The following PEPD variants were observed in gnomAD, a reference collection of about 807,000 sequenced individuals.
PEPD encodes peptidase D, also known as xaa-Pro dipeptidase.
Under a neutral mutation model 60.7 loss-of-function variants are expected in PEPD, and 53 were observed. The ratio of observed to expected loss-of-function variants is 0.87; its 90% CI spans 0.70 to 1.10. The LOEUF is 1.10. PEPD is among the 50% of genes least tolerant of loss of function. PEPD has a pLI of 0.00. For synonymous variants in PEPD, 267 were observed against 284.1 expected (o/e 0.94, Z 0.60); for missense variants, 711 against 711.9 (o/e 1.00, Z 0.01).
rs557361376 is a variant in PEPD, at chr19:33,510,031, C to T, written c.329+997G>A. Among the ~76,000 whole-genome samples the T allele has an allele frequency of 3.3e-5, 5 of 152,368 alleles. No homozygotes were observed. The South Asian group carries it at 8.3e-4, about 25-fold the overall frequency. ...AGAGAGGCGGTTCCCCGATCCAAAC[C>T]CAACCCACCACCCTCAGGCACGCAC... On this transcript the variant is annotated intron_variant, in intron 3 of 14. Transcript: ENST00000244137.
intron 9 of PEPD, among the ~76,000 whole-genome samples, chr19:33,433,329 G>C (rs929906618): frequency 2.0e-5 from 3 of 152,178 alleles, no homozygotes; most frequent in African/African-American, 7.2e-5. Flanking sequence ...TCTTCTCCCT[G>C]CCAAGGGGGC....
At chr19:33,396,677 A>G (rs1487500702) in intron 12 of PEPD, among the ~76,000 whole-genome samples, 1 of 131,028 alleles carries the variant, frequency 7.6e-6, no homozygotes, top group Non-Finnish European at 1.6e-5. Flanking sequence ...AGCACAGGAA[A>G]GAGTAGAGAA....
In PEPD at chr19:33,511,039, G is replaced by A. The variant is rs1293060221; in HGVS notation, c.318C>T (p.Thr106=). The A allele has an allele frequency of 6.2e-7, 1 of 1,612,424 alleles. No homozygotes were observed. Among genetic ancestry groups the A allele is most frequent in the Admixed American group, 1.7e-5 (1 of 59,940 alleles). ...AGGCTGCTCCTTACTTTCCCATCCA[G>A]GTGGCATGGCTGGCAGGAAGCCTGG... is the stretch of plus-strand genomic sequence containing the variant. The part of the protein sequence containing the change: ...FVPRLPASHA[T]WMGKIHSKEH... The change falls in exon 3 of 15, where the codon ACC becomes ACT. Residue 106 remains threonine (T), a synonymous_variant. Coordinates refer to ENST00000244137, the MANE Select transcript of PEPD (RefSeq NM_000285.4).
Position 33,387,337 on chromosome 19 carries a change from G to A in PEPD, c.*7C>T. 6.2e-7 allele frequency: 1 copy of A among 1,613,762 alleles called. No individual in the cohort carries two copies. Among genetic ancestry groups the A allele is most frequent in the Non-Finnish European group, 8.5e-7 (1 of 1,179,986 alleles). On this transcript the variant is annotated 3_prime_UTR_variant, in exon 15 of 15. Transcript: ENST00000244137. Reference sequence around the variant, plus strand: ...GCCCCCAGGTGCGCTGGGATTTCTGGCTGGCTCTACTTGGGGCCAGAGAAG... The same window carrying A: ...GCCCCCAGGTGCGCTGGGATTTCTGACTGGCTCTACTTGGGGCCAGAGAAG...
intron 3 of PEPD, among the ~76,000 whole-genome samples, chr19:33,506,419 C>T (rs1970812036): frequency 6.8e-6 from 1 of 146,886 alleles, no homozygotes; most frequent in Admixed American, 6.8e-5. Context: ...TCATCACACC[C>T]TACACACTAC....
chr19:33,448,335 C>T (rs1969631190), intron 9 of PEPD, among the ~76,000 whole-genome samples: 1 of 152,128 alleles, frequency 6.6e-6, no homozygotes. Flanking sequence ...CAGAACCAGA[C>T]AGGACACAGC....
chr19:33,444,413 G>T (rs943872678), intron 9 of PEPD, among the ~76,000 whole-genome samples: 1 of 152,086 alleles, frequency 6.6e-6, no homozygotes, highest in Admixed American at 6.5e-5. Context: ...GGCAGCGACT[G>T]ATACAGCCCC....
rs138989092 is a variant in PEPD, at chr19:33,442,244, T to C, written c.671+20751A>G. On this transcript the variant is annotated intron_variant, in intron 9 of 14. Transcript: ENST00000244137. ...TGAAACCCCATCTCTACTAAAAATA[T>C]GAAAAATTAGCCGGGCATGGTGGAG... Among the ~76,000 whole-genome samples, 63 of 151,882 alleles carry C rather than the reference T, an allele frequency of 4.1e-4. 1 individual carries two copies. The East Asian group carries it at 0.011, about 28-fold the overall frequency.
rs1412640222 is a variant in PEPD, at chr19:33,387,008, A to G, written c.*336T>C. On this transcript the variant is annotated 3_prime_UTR_variant, in exon 15 of 15. Coordinates refer to ENST00000244137, the MANE Select transcript of PEPD (RefSeq NM_000285.4). ...ATTCTGCATATTGATTTTTGACAGA[A>G]AGTATCAGAAATGCTTCTTTCCTGG... is the stretch of plus-strand genomic sequence containing the variant. 5.8e-6 allele frequency: 2 copies of G among 344,692 alleles called. No homozygotes were observed. The highest frequency in any genetic ancestry group is 1.1e-5 in the Non-Finnish European group (2 of 186,504). 21.4% of individuals were successfully genotyped at this position (344,692 alleles called of 1,614,324 possible).
chr19:33,452,817 C>A (rs1446205173), intron 9 of PEPD, among the ~76,000 whole-genome samples: 1 of 152,194 alleles, frequency 6.6e-6, no homozygotes, highest in Non-Finnish European at 1.5e-5. Flanking sequence ...AGAGAAACAA[C>A]AGGGTCTGAG....
intron 7 of PEPD, among the ~76,000 whole-genome samples, chr19:33,476,461 T>G (rs1326723029): frequency 6.6e-6 from 1 of 152,032 alleles, no homozygotes; most frequent in African/African-American, 2.4e-5. Flanking sequence ...TGGAGTCACC[T>G]TCAACTCTGC....
intron 9 of PEPD, among the ~76,000 whole-genome samples, chr19:33,449,144 C>T (rs1341942881): frequency 6.6e-6 from 1 of 152,250 alleles, no homozygotes; most frequent in Non-Finnish European, 1.5e-5. Context: ...AGCTGGCCCA[C>T]TGTAGAGAAG....
intron 4 of PEPD, among the ~76,000 whole-genome samples, chr19:33,493,707 C>CTTT (rs1185005195): frequency 6.6e-6 from 1 of 152,120 alleles, no homozygotes; most frequent in Non-Finnish European, 1.5e-5. Flanking sequence ...CCCGGGAACC[C>CTTT]TTTAGGCTCC....
intron 4 of PEPD, 65 bp from the exon 5 acceptor site, chr19:33,493,402 A>G: frequency 2.8e-6 from 3 of 1,090,466 alleles, no homozygotes; most frequent in Non-Finnish European, 4.3e-6. Context: ...ATGACATGCC[A>G]CCATTCCTTC....
rs58919012 is a variant in PEPD, at chr19:33,416,763, G to A, written c.672-3120C>T. 1.7e-3 allele frequency among the ~76,000 whole-genome samples: 262 copies of A among 152,320 alleles called. 1 individual carries two copies. Among genetic ancestry groups the A allele is most frequent in the African/African-American group, 6.1e-3 (255 of 41,570 alleles). ...TATAAATTTCTCCCAGGCAAGACTC[G>A]GGTAGAAGAGGCTTGTATCCAGGCA... On this transcript the variant is annotated intron_variant, in intron 9 of 14. Transcript: ENST00000244137.
chr19:33,425,105 C>T (rs62102724), intron 9 of PEPD, among the ~76,000 whole-genome samples: 20,035 of 152,166 alleles, frequency 0.13, 1,653 homozygotes, highest in Non-Finnish European at 0.19. Context: ...TGCAGTGGCT[C>T]ACACCTGTAA....
At chr19:33,425,079 A>G (rs748206028) in intron 9 of PEPD, among the ~76,000 whole-genome samples, 3 of 152,102 alleles carry the variant, frequency 2.0e-5, no homozygotes, top group Non-Finnish European at 4.4e-5. Context: ...AACAAAAAGA[A>G]TTGCCAGAGG....
At chr19:33,500,335 C>T (rs563505986) in intron 4 of PEPD, among the ~76,000 whole-genome samples, 2 of 152,346 alleles carry the variant, frequency 1.3e-5, no homozygotes, top group South Asian at 4.1e-4. Context: ...CAGCCCTGCC[C>T]CACTGGCAGG....
rs1027205297 is a variant in PEPD at position 33,521,744 on chromosome 19, C to T, written c.17G>A (p.Gly6Glu). ...AGAGCGAGGGAGGCGCAGCACTCACCCGGTGGCCGCCGCCATGTTCGCCCG... is the reference window on the plus strand; with the variant it reads ...AGAGCGAGGGAGGCGCAGCACTCACTCGGTGGCCGCCGCCATGTTCGCCCG... The part of the protein sequence containing the change: MAAAT[G>E]PSFWLGNETL... Residue 6 changes from glycine to glutamate, a missense_variant and splice_region_variant, in exon 1 of 15, where the codon GGA becomes GAA. By Grantham distance (98) the Gly-to-Glu change is moderately conservative. Coordinates refer to ENST00000244137, the MANE Select transcript of PEPD (RefSeq NM_000285.4). 1.3e-6 allele frequency: 2 copies of T among 1,577,080 alleles called. No individual in the cohort carries two copies. Among genetic ancestry groups the T allele is most frequent in the African/African-American group, 2.7e-5 (2 of 74,272 alleles).
Sources: allele counts gnomAD v4.1 joint callset (sites outside exome capture counted in the v4.1 genomes callset), GRCh38; gene constraint gnomAD v4.1.1; transcripts MANE v1.5; gene names NCBI Gene and HGNC (gene_info 2026-07-23, HGNC 2026-07-21).